The following PTK7 variants were observed in gnomAD, a reference collection of about 807,000 sequenced individuals.
PTK7 encodes the protein inactive tyrosine-protein kinase 7.
A neutral mutation model predicts 116.6 loss-of-function variants in PTK7; 39 were observed. That is an observed-to-expected ratio of 0.33 (90% CI 0.26 to 0.44). The LOEUF is 0.44. Ranked by LOEUF, PTK7 falls within the 20% of genes least tolerant of loss-of-function variation. PTK7 has a pLI of 1.00. For missense variants in PTK7, 1,169 were observed against 1,425.6 expected, an observed-to-expected ratio of 0.82 and a Z score of 2.90; for synonymous variants, 546 against 563.6, an observed-to-expected ratio of 0.97 and a Z score of 0.44.
intron 1 of PTK7, among the ~76,000 whole-genome samples, chr6:43,109,919 C>T (rs1220264725): frequency 6.6e-6 from 1 of 151,244 alleles, no homozygotes; most frequent in Non-Finnish European, 1.5e-5. Flanking sequence ...AGGATGATCT[C>T]GATTTCCTGA....
In PTK7 at chr6:43,076,409, C is replaced by G. The variant is rs935217240; in HGVS notation, c.-80C>G. 38 of 1,211,360 alleles carry G rather than the reference C, an allele frequency of 3.1e-5. No homozygotes were observed. The highest frequency in any genetic ancestry group is 3.9e-5 in the Admixed American group (1 of 25,606). The allele number at this position is 1,211,360 out of a possible 1,614,324, so 75.0% of individuals were successfully genotyped here. A position where few individuals can be genotyped will look rare whatever the true frequency, so the allele number is the denominator to read the frequency against. The stretch of plus-strand genomic sequence containing the variant: ...GCTGCGGCGCCCGCGCTCCGGTGCG[C>G]TCCGCCTCCTGTGCCCGCCGCGGAG... On this transcript the variant is annotated 5_prime_UTR_variant, in exon 1 of 20. Coordinates refer to ENST00000230419, the MANE Select transcript of PTK7 (RefSeq NM_002821.5). This position sits in a 1 kb window ranked among gnomAD's most constrained non-coding sequence, Gnocchi z 5.7.
intron 1 of PTK7, among the ~76,000 whole-genome samples, chr6:43,093,340 C>G (rs1443763304): frequency 6.6e-6 from 1 of 151,982 alleles, no homozygotes; most frequent in South Asian, 2.1e-4. Context: ...CAGGCGCCCA[C>G]GACCACGCCC....
intron 7 of PTK7, among the ~76,000 whole-genome samples, chr6:43,135,757 C>T (rs1019066355): frequency 2.6e-5 from 4 of 152,188 alleles, no homozygotes; most frequent in Non-Finnish European, 2.9e-5. Context: ...ACTTTGGCTT[C>T]GGCATCAGTT....
chr6:43,124,022 G>C (rs1427135904), intron 1 of PTK7, among the ~76,000 whole-genome samples: 2 of 152,178 alleles, frequency 1.3e-5, no homozygotes, highest in African/African-American at 4.8e-5. Flanking sequence ...CATGGAGCTG[G>C]CTGCCTCCGG....
intron 1 of PTK7, among the ~76,000 whole-genome samples, chr6:43,120,596 C>A (rs1768900790): frequency 6.6e-6 from 1 of 152,200 alleles, no homozygotes; most frequent in African/African-American, 2.4e-5. Context: ...GCTGCATTTA[C>A]TAAGTGGGCT....
At chr6:43,081,298 C>T (rs1277787968) in intron 1 of PTK7, among the ~76,000 whole-genome samples, 1 of 152,196 alleles carries the variant, frequency 6.6e-6, no homozygotes. Context: ...CATATTTTTG[C>T]CCCTATTGGG....
In PTK7 at chr6:43,129,889, A is replaced by C; in HGVS notation, c.470+60A>C. ...ATTCCGGACAGGGATGTCTCCCCAAATCTTGGACTCTATGCGGATGTTACC... is the reference window on the plus strand; with the variant it reads ...ATTCCGGACAGGGATGTCTCCCCAACTCTTGGACTCTATGCGGATGTTACC... On this transcript the variant is annotated intron_variant, in intron 3 of 19. Coordinates refer to ENST00000230419, the MANE Select transcript of PTK7 (RefSeq NM_002821.5). This position sits in a 1 kb window ranked among gnomAD's most constrained non-coding sequence, Gnocchi z 4.5. The C allele has an allele frequency of 1.3e-6, 2 of 1,499,840 alleles. No individual in the cohort carries two copies. The highest frequency in any genetic ancestry group is 1.9e-6 in the Non-Finnish European group (2 of 1,079,434). The allele number at this position is 1,499,840 out of a possible 1,614,324, so 92.9% of individuals were successfully genotyped here.
chr6:43,161,237 G>A lies in PTK7; in HGVS notation c.*356G>A. ...CACTCATCTGCCAACTTTGCCTGGG[G>A]AGGGCTAGGCTTGGGATGAGCTGGG... On this transcript the variant is annotated 3_prime_UTR_variant, in exon 20 of 20. Coordinates refer to ENST00000230419, the MANE Select transcript of PTK7 (RefSeq NM_002821.5). 4.1e-6 allele frequency: 1 copy of A among 243,330 alleles called. No homozygotes were observed. The highest frequency in any genetic ancestry group is 7.5e-5 in the South Asian group (1 of 13,358). 15.1% of individuals were successfully genotyped at this position (243,330 alleles called of 1,614,324 possible). A position where few individuals can be genotyped will look rare whatever the true frequency, so the allele number is the denominator to read the frequency against.
intron 1 of PTK7, among the ~76,000 whole-genome samples, chr6:43,090,658 T>C (rs1766896183): frequency 6.6e-6 from 1 of 152,186 alleles, no homozygotes; most frequent in African/African-American, 2.4e-5. Flanking sequence ...AGTATCTCCT[T>C]CTGGCAGACA....
intron 17 of PTK7, among the ~76,000 whole-genome samples, chr6:43,156,136 C>T (rs867727279): frequency 7.8e-5 from 11 of 141,710 alleles, no homozygotes; most frequent in Admixed American, 6.2e-4. Flanking sequence ...GGCTGAGGCA[C>T]GAGAGTCACT....
chr6:43,113,580 C>T (rs995030747), intron 1 of PTK7, among the ~76,000 whole-genome samples: 2 of 152,164 alleles, frequency 1.3e-5, no homozygotes, highest in Non-Finnish European at 2.9e-5. Flanking sequence ...TGGGATCTCA[C>T]AGTCAGAGCC....
At chr6:43,101,014 C>CAAGGTCAGGAGA in intron 1 of PTK7, among the ~76,000 whole-genome samples, 1 of 151,254 alleles carries the variant, frequency 6.6e-6, no homozygotes, top group Non-Finnish European at 1.5e-5. Flanking sequence ...GGGCAGATCA[C>CAAGGTCAGGAGA]TTGAGGTCCA....
intron 1 of PTK7, among the ~76,000 whole-genome samples, chr6:43,122,606 CTTTTTTT>C (rs750933412): frequency 8.1e-6 from 1 of 123,808 alleles, no homozygotes; most frequent in Non-Finnish European, 1.7e-5. Flanking sequence ...GGGACTGAAT[CTTTTTTT>C]TTTTTTTTTT....
At chr6:43,113,614 C>T (rs1436614565) in intron 1 of PTK7, among the ~76,000 whole-genome samples, 3 of 152,090 alleles carry the variant, frequency 2.0e-5, no homozygotes, top group African/African-American at 7.2e-5. Context: ...TTCTGGAAGC[C>T]AAGTGCTTTG....
At chr6:43,157,349 TATA>T (rs1771518879) in intron 17 of PTK7, among the ~76,000 whole-genome samples, 2 of 11,478 alleles carry the variant, frequency 1.7e-4, no homozygotes, top group Admixed American at 1.1e-3. Flanking sequence ...TATATATATA[TATA>T]TATATATATA....
chr6:43,159,551 T>C (rs960332041), intron 18 of PTK7: 3 of 574,892 alleles, frequency 5.2e-6, no homozygotes, highest in Non-Finnish European at 9.4e-6. Flanking sequence ...TGTTAACATT[T>C]AGGCAAAGTT....
chr6:43,148,952 G>GGGA (rs1770888986), intron 17 of PTK7, among the ~76,000 whole-genome samples: 2 of 151,394 alleles, frequency 1.3e-5, no homozygotes, highest in African/African-American at 4.9e-5. Context: ...CAAGCTACTC[G>GGGA]GGAGGCTGAG....
chr6:43,151,875 C>G (rs1771124658), intron 17 of PTK7, among the ~76,000 whole-genome samples: 1 of 106,028 alleles, frequency 9.4e-6, no homozygotes, highest in Non-Finnish European at 1.8e-5. Flanking sequence ...GAGGCAGTCT[C>G]GCTCTGTCGC....
intron 1 of PTK7, among the ~76,000 whole-genome samples, chr6:43,099,192 A>G (rs1344051841): frequency 1.3e-5 from 2 of 151,902 alleles, no homozygotes; most frequent in Non-Finnish European, 2.9e-5. Context: ...CAAAGAAAAA[A>G]AAAGAGGCTT....
Sources: gnomAD v4.1 joint callset for allele counts (sites outside exome capture counted in the v4.1 genomes callset) on GRCh38, gnomAD v4.1.1 for gene constraint, Gnocchi (gnomAD v3.1) non-coding constraint, MANE v1.5 for transcripts, NCBI Gene and HGNC (gene_info 2026-07-23, HGNC 2026-07-21) for gene names.